The following WIPI2 variants were observed in gnomAD, a reference collection of about 807,000 sequenced individuals.
WIPI2 encodes WD repeat domain, phosphoinositide interacting 2.
A neutral mutation model predicts 52.3 loss-of-function variants in WIPI2; 28 were observed. That is an observed-to-expected ratio of 0.54 (90% CI 0.40 to 0.73). The LOEUF (loss-of-function observed/expected upper bound fraction) is 0.73, where lower values mean the gene tolerates loss of function less well. Ranked by LOEUF, WIPI2 falls within the 30% of genes least tolerant of loss-of-function variation. The probability of loss-of-function intolerance (pLI) is 0.00; values close to 1 mark genes in which losing one functional copy is unlikely to be tolerated. For missense variants in WIPI2, 506 were observed against 602.9 expected (o/e 0.84, Z 1.68); for synonymous variants, 268 against 245.0 (o/e 1.09, Z -0.88).
chr7:5,209,147 A>G (rs1782437673), intron 3 of WIPI2, among the ~76,000 whole-genome samples: 1 of 152,080 alleles, frequency 6.6e-6, no homozygotes, highest in South Asian at 2.1e-4. Flanking sequence ...TGGCCTAAAC[A>G]TATAGTTAAT....
intron 4 of WIPI2, among the ~76,000 whole-genome samples, chr7:5,215,098 G>T (rs1782747914): frequency 6.6e-6 from 1 of 152,224 alleles, no homozygotes; most frequent in South Asian, 2.1e-4. Flanking sequence ...ATTGCCTGAG[G>T]TCAGGAATTT....
At chr7:5,194,773 GAT>G (rs1781662202) in intron 2 of WIPI2, among the ~76,000 whole-genome samples, 1 of 152,222 alleles carries the variant, frequency 6.6e-6, no homozygotes, top group South Asian at 2.1e-4. Context: ...ACCTCAAAAA[GAT>G]ATTTTAAAAG....
At chr7:5,210,914 G>A (rs1179836400) in intron 3 of WIPI2, among the ~76,000 whole-genome samples, 5 of 151,696 alleles carry the variant, frequency 3.3e-5, no homozygotes, top group South Asian at 2.1e-4. Context: ...CATTGAACTC[G>A]CGGCTCGCAT....
rs928957462 is a variant in WIPI2 at position 5,230,173 on chromosome 7, C to G, written c.1252+435C>G. On this transcript the variant is annotated intron_variant, in intron 12 of 12. Coordinates refer to ENST00000288828, the MANE Select transcript of WIPI2 (RefSeq NM_015610.4). This position sits in a 1 kb window ranked among gnomAD's most constrained non-coding sequence, Gnocchi z 4.8. ...GCCACCTCTCAGCCAAGATACCACC[C>G]TGAAAAGTACTGCCAAGGGTTTTGC... Among the ~76,000 whole-genome samples, 1 of 152,200 alleles carries G rather than the reference C, an allele frequency of 6.6e-6. No individual in the cohort carries two copies. Among genetic ancestry groups the G allele is most frequent in the African/African-American group, 2.4e-5 (1 of 41,464 alleles).
intron 3 of WIPI2, 88 bp from the exon 4 acceptor site, chr7:5,214,446 AG>A: frequency 6.2e-7 from 1 of 1,613,180 alleles, no homozygotes; most frequent in Non-Finnish European, 8.5e-7. Flanking sequence ...CGTGTCGCCC[AG>A]GCAGGTGTTT....
At chr7:5,212,178 A>C (rs1417226208) in intron 3 of WIPI2, among the ~76,000 whole-genome samples, 1 of 152,168 alleles carries the variant, frequency 6.6e-6, no homozygotes, top group African/African-American at 2.4e-5. Context: ...CGTCTATGAC[A>C]GGCGACATTA....
In WIPI2 at chr7:5,227,496, C is replaced by T; in HGVS notation, c.1013+152C>T. 3.6e-6 allele frequency: 4 copies of T among 1,119,044 alleles called. No individual in the cohort carries two copies. The highest frequency in any genetic ancestry group is 3.7e-6 in the Non-Finnish European group (3 of 806,630). 69.3% of individuals were successfully genotyped at this position (1,119,044 alleles called of 1,614,324 possible). A position where few individuals can be genotyped will look rare whatever the true frequency, so the allele number is the denominator to read the frequency against. Reference sequence around the variant, plus strand: ...AGAGTTGTCGGGGATGGGAGGTCCCCTGGCAGGCACTAGGCTTGCCGCTCT... The same window carrying T: ...AGAGTTGTCGGGGATGGGAGGTCCCTTGGCAGGCACTAGGCTTGCCGCTCT... On this transcript the variant is annotated intron_variant, in intron 10 of 12. Coordinates refer to ENST00000288828, the MANE Select transcript of WIPI2 (RefSeq NM_015610.4). The surrounding 1 kb of genome is among the most constrained non-coding windows in gnomAD (Gnocchi z 8.1).
rs2115330843 is a variant in WIPI2, at chr7:5,231,247, A to G, written c.*300A>G. The G allele has an allele frequency of 3.5e-6, 1 of 285,510 alleles. No homozygotes were observed. Among genetic ancestry groups the G allele is most frequent in the South Asian group, 7.2e-5 (1 of 13,794 alleles). 17.7% of individuals were successfully genotyped at this position (285,510 alleles called of 1,614,324 possible). On this transcript the variant is annotated 3_prime_UTR_variant, in exon 13 of 13. Coordinates refer to ENST00000288828, the MANE Select transcript of WIPI2 (RefSeq NM_015610.4). ...AAACCTCCTCGCTTTGCATGCATGAACGTGCCAAGCCAGCATAGGGGAGCT... is the reference window on the plus strand; with the variant it reads ...AAACCTCCTCGCTTTGCATGCATGAGCGTGCCAAGCCAGCATAGGGGAGCT...
intron 5 of WIPI2, 89 bp downstream of exon 5, chr7:5,216,748 G>C: frequency 3.1e-6 from 4 of 1,290,378 alleles, no homozygotes; most frequent in Non-Finnish European, 4.4e-6. Flanking sequence ...TCTTTTTATA[G>C]GTTCCGCAGA....
At chr7:5,195,522 T>G (rs1264918525) in intron 2 of WIPI2, among the ~76,000 whole-genome samples, 3 of 152,176 alleles carry the variant, frequency 2.0e-5, no homozygotes, top group Non-Finnish European at 4.4e-5. Context: ...CCCACTCTGT[T>G]GACTTAAAAA....
In WIPI2 at chr7:5,214,790, C is replaced by T. The variant is rs533232467; in HGVS notation, c.381+86C>T. On this transcript the variant is annotated intron_variant, in intron 4 of 12. Transcript: ENST00000288828. Reference sequence around the variant, plus strand: ...AGCCCACCCCACCGGCATGCCCCTCCGTCATTCCCTTGCTGCCTGGCCCCA... The same window carrying T: ...AGCCCACCCCACCGGCATGCCCCTCTGTCATTCCCTTGCTGCCTGGCCCCA... The T allele has an allele frequency of 3.9e-5, 57 of 1,479,670 alleles. No homozygotes were observed. The South Asian group carries it at 5.3e-4, about 14-fold the overall frequency. The allele number at this position is 1,479,670 out of a possible 1,614,324, so 91.7% of individuals were successfully genotyped here.
intron 3 of WIPI2, among the ~76,000 whole-genome samples, chr7:5,208,608 G>A (rs781473230): frequency 1.3e-5 from 2 of 152,076 alleles, no homozygotes; most frequent in Non-Finnish European, 2.9e-5. Context: ...TTTTATGTAT[G>A]TTGTGAGGTA....
At chr7:5,195,678 G>A (rs898112519) in intron 2 of WIPI2, among the ~76,000 whole-genome samples, 1 of 152,128 alleles carries the variant, frequency 6.6e-6, no homozygotes, top group African/African-American at 2.4e-5. Flanking sequence ...CTCCAAAGGG[G>A]TGTTGAACTT....
chr7:5,193,649 T>C (rs1781589122), intron 2 of WIPI2, among the ~76,000 whole-genome samples: 2 of 152,350 alleles, frequency 1.3e-5, no homozygotes, highest in Admixed American at 1.3e-4. Flanking sequence ...GATCATAGCT[T>C]ACTGCAACTT....
chr7:5,205,597 C>T (rs187959762), intron 3 of WIPI2, among the ~76,000 whole-genome samples: 106 of 152,202 alleles, frequency 7.0e-4, no homozygotes, highest in African/African-American at 2.2e-3. Context: ...CTCCACCTCC[C>T]GAGTTCAAGT....
intron 3 of WIPI2, among the ~76,000 whole-genome samples, chr7:5,209,387 A>G (rs2115254770): frequency 6.6e-6 from 1 of 152,288 alleles, no homozygotes; most frequent in East Asian, 1.9e-4. Context: ...GAGATCAAAT[A>G]TCTTCACCAT....
chr7:5,232,064 C>A lies in WIPI2; in HGVS notation c.*1117C>A. On this transcript the variant is annotated 3_prime_UTR_variant, in exon 13 of 13. Coordinates refer to ENST00000288828, the MANE Select transcript of WIPI2 (RefSeq NM_015610.4). ...TTCATATTTACAGAATTAAAACAAC[C>A]TCAAGTACCTCAGACTCTGCATTCC... The A allele has an allele frequency of 2.5e-6, 1 of 398,206 alleles. No homozygotes were observed. The allele number at this position is 398,206 out of a possible 1,614,324, so 24.7% of individuals were successfully genotyped here. A position where few individuals can be genotyped will look rare whatever the true frequency, so the allele number is the denominator to read the frequency against.
chr7:5,228,442 G>T lies in WIPI2; in HGVS notation c.1121+231G>T, dbSNP rs548946406. ...CTGGTGGCGTCAGGGCTCCCTCAGG[G>T]ACTGGGCACAGAGGCGACGCAGGGG... On this transcript the variant is annotated intron_variant, in intron 11 of 12. Coordinates refer to ENST00000288828, the MANE Select transcript of WIPI2 (RefSeq NM_015610.4). 3.4e-3 allele frequency among the ~76,000 whole-genome samples: 522 copies of T among 152,372 alleles called. 5 individuals are homozygous for T. Among genetic ancestry groups the T allele is most frequent in the African/African-American group, 0.012 (509 of 41,598 alleles).
chr7:5,207,958 G>T (rs1197803578), intron 3 of WIPI2, among the ~76,000 whole-genome samples: 4 of 151,990 alleles, frequency 2.6e-5, no homozygotes, highest in African/African-American at 9.7e-5. Flanking sequence ...TAGAGACGGG[G>T]TTTCACCATG....
Sources: gnomAD v4.1 joint callset for allele counts (sites outside exome capture counted in the v4.1 genomes callset) on GRCh38, gnomAD v4.1.1 for gene constraint, Gnocchi (gnomAD v3.1) non-coding constraint, MANE v1.5 for transcripts, NCBI Gene and HGNC (gene_info 2026-07-23, HGNC 2026-07-21) for gene names.